The following TVP23C variants were observed in gnomAD, a reference collection of about 807,000 sequenced individuals.
TVP23C encodes the protein trans-golgi network vesicle protein 23 homolog C.
Under a neutral mutation model 28.7 loss-of-function variants are expected in TVP23C, and 19 were observed. The ratio of observed to expected loss-of-function variants is 0.66; its 90% CI spans 0.46 to 0.97. The LOEUF (loss-of-function observed/expected upper bound fraction) is 0.97. Among genes scored for constraint, TVP23C ranks in the 50% least tolerant of loss-of-function variants. The pLI is 0.00. For missense variants in TVP23C, 186 were observed against 241.3 expected (o/e 0.77, Z 1.52); for synonymous variants, 68 against 81.7 (o/e 0.83, Z 0.90).
chr17:15,519,552 T>C (rs1027834887), intron 5 of TVP23C, among the ~76,000 whole-genome samples: 1 of 152,126 alleles, frequency 6.6e-6, no homozygotes, highest in Admixed American at 6.6e-5. Context: ...TAAAACCCTG[T>C]CTACTCAGTT....
At chr17:15,504,987 C>T (rs1981659117) in intron 5 of TVP23C, among the ~76,000 whole-genome samples, 1 of 152,160 alleles carries the variant, frequency 6.6e-6, no homozygotes, top group Admixed American at 6.5e-5. Flanking sequence ...AATAAAACCG[C>T]TGTTTATTTG....
chr17:15,552,676 C>T (rs1370721749), intron 3 of TVP23C, among the ~76,000 whole-genome samples: 3 of 151,590 alleles, frequency 2.0e-5, no homozygotes. Flanking sequence ...AAAAGTGAAA[C>T]TCCGTCTCAA....
At chr17:15,517,038 G>A (rs1288457692) in intron 5 of TVP23C, among the ~76,000 whole-genome samples, 1 of 152,220 alleles carries the variant, frequency 6.6e-6, no homozygotes, top group East Asian at 1.9e-4. Context: ...CTCTTGCTGA[G>A]CCAACCCAAA....
chr17:15,542,663 G>A (rs1401464825), intron 5 of TVP23C, among the ~76,000 whole-genome samples: 3 of 151,988 alleles, frequency 2.0e-5, no homozygotes, highest in Non-Finnish European at 2.9e-5. Context: ...TTTTAGTAGA[G>A]ACAGGGTTTC....
intron 5 of TVP23C, among the ~76,000 whole-genome samples, chr17:15,504,499 G>A (rs1400257942): frequency 1.3e-5 from 2 of 152,170 alleles, no homozygotes; most frequent in Non-Finnish European, 2.9e-5. Flanking sequence ...TGAGAGCGCG[G>A]AAGATGAGGC....
At chr17:15,518,674 T>C (rs1285129623) in intron 5 of TVP23C, among the ~76,000 whole-genome samples, 5 of 152,164 alleles carry the variant, frequency 3.3e-5, no homozygotes, top group Admixed American at 3.3e-4. Context: ...AAGAATTCCA[T>C]GGCTAAGACT....
chr17:15,532,530 C>T (rs1442432708), downstream of TVP23C, among the ~76,000 whole-genome samples: 1 of 152,180 alleles, frequency 6.6e-6, no homozygotes, highest in Non-Finnish European at 1.5e-5. Context: ...AAAATGGGGA[C>T]AGGACAAGTT....
intron 3 of TVP23C, among the ~76,000 whole-genome samples, chr17:15,548,072 A>G (rs1297170011): frequency 1.3e-5 from 2 of 152,080 alleles, no homozygotes; most frequent in African/African-American, 4.8e-5. Context: ...AAAATTAAAA[A>G]CACCCTGACA....
chr17:15,536,841 T>TATTTTCTCTAAAAAATACTA (rs1983176939), downstream of TVP23C: 1 of 151,464 alleles, frequency 6.6e-6, no homozygotes, highest in Non-Finnish European at 1.5e-5. Context: ...AAAATACTAA[T>TATTTTCTCTAAAAAATACTA]ATATCATGTT....
At chr17:15,507,409 G>C (rs1567629239) in intron 5 of TVP23C, 2 of 590,754 alleles carry the variant, frequency 3.4e-6, no homozygotes, top group Non-Finnish European at 6.1e-6. Flanking sequence ...AGCTCAGAGA[G>C]AGCACCCTCC....
rs1178558647 is a variant in TVP23C, at chr17:15,545,079, C to T, written c.462+706G>A. Reference sequence around the variant, plus strand: ...CCAAAGACAGCAGCAACAATATCTCCTCTTCCACAAAGTCTTCTAGCACCT... The same window carrying T: ...CCAAAGACAGCAGCAACAATATCTCTTCTTCCACAAAGTCTTCTAGCACCT... On this transcript the variant is annotated intron_variant, in intron 5 of 5. Coordinates refer to ENST00000518321, the MANE Select transcript of TVP23C (RefSeq NM_001135036.2). 3.3e-5 allele frequency among the ~76,000 whole-genome samples: 5 copies of T among 152,330 alleles called. No homozygotes were observed. The East Asian group carries it at 9.6e-4, about 29-fold the overall frequency.
At chr17:15,502,786 CCTCTCTCCTCTCTCCT>C (rs1217278017) in exon 6 of TVP23C, 114 of 1,462,684 alleles carry the variant, frequency 7.8e-5, no homozygotes, top group Non-Finnish European at 3.5e-5. Flanking sequence ...CTCTTCCCTC[CCTCTCTCCTCTCTCCT>C]CTCTCTCCTC....
chr17:15,503,190 C>A, exon 6 of TVP23C: 1 of 1,570,170 alleles, frequency 6.4e-7, no homozygotes. Context: ...TCTCTTGAGC[C>A]CAAGACTTTC....
At chr17:15,523,165 C>T (rs1186741584) in intron 5 of TVP23C, among the ~76,000 whole-genome samples, 5 of 149,722 alleles carry the variant, frequency 3.3e-5, no homozygotes, top group African/African-American at 4.9e-5. Flanking sequence ...GCATGCCGCC[C>T]GGCTAATTTT....
rs576334727 is a variant in TVP23C, at chr17:15,539,995, A to G, written c.*417T>C. ...GTAATCCCAGCTACTCATAAGGCTG[A>G]GGCAGGAGAATCACATGAACCCGGG... On this transcript the variant is annotated 3_prime_UTR_variant, in exon 6 of 6. Coordinates refer to ENST00000518321, the MANE Select transcript of TVP23C (RefSeq NM_001135036.2). 2.0e-6 allele frequency: 1 copy of G among 487,882 alleles called. No individual in the cohort carries two copies. The highest frequency in any genetic ancestry group is 5.4e-5 in the South Asian group (1 of 18,680). The allele number at this position is 487,882 out of a possible 1,614,324, so 30.2% of individuals were successfully genotyped here.
chr17:15,527,474 G>A (rs1982775780), intron 5 of TVP23C, among the ~76,000 whole-genome samples: 1 of 151,982 alleles, frequency 6.6e-6, no homozygotes, highest in East Asian at 1.9e-4. Context: ...TTAACTAGGG[G>A]TTAGCTCTCC....
At chr17:15,534,005 C>A (rs145074228), downstream of TVP23C, among the ~76,000 whole-genome samples, 718 of 152,302 alleles carry the variant, frequency 4.7e-3, 6 homozygotes, top group African/African-American at 0.016. Context: ...CTTCCTCCAC[C>A]ACACTCAGAG....
At chr17:15,526,646 C>A (rs554327214) in intron 5 of TVP23C, among the ~76,000 whole-genome samples, 34 of 152,306 alleles carry the variant, frequency 2.2e-4, no homozygotes, top group Middle Eastern at 3.4e-3. Flanking sequence ...TCATTTCTTA[C>A]TAAACCAAGT....
Position 15,539,207 on chromosome 17 carries a change from C to T in TVP23C, c.*1205G>A. On this transcript the variant is annotated 3_prime_UTR_variant, in exon 6 of 6. Coordinates refer to ENST00000518321, the MANE Select transcript of TVP23C (RefSeq NM_001135036.2). The stretch of plus-strand genomic sequence containing the variant: ...GGAGGTGGAACCCAGCAATCTTGTG[C>T]CCTCTAGGTGATTCTCATGTATGTT... 1.0e-6 allele frequency: 1 copy of T among 970,998 alleles called. No homozygotes were observed. Among genetic ancestry groups the T allele is most frequent in the Non-Finnish European group, 1.2e-6 (1 of 816,820 alleles). The allele number at this position is 970,998 out of a possible 1,614,324, so 60.1% of individuals were successfully genotyped here.
Sources: allele counts gnomAD v4.1 joint callset (sites outside exome capture counted in the v4.1 genomes callset), GRCh38; gene constraint gnomAD v4.1.1; transcripts MANE v1.5; gene names NCBI Gene and HGNC (gene_info 2026-07-23, HGNC 2026-07-21).